ATE1: variants seen among roughly 807,000 people sequenced by gnomAD.
ATE1 encodes arginyltransferase 1.
In ATE1, 36 loss-of-function variants were observed where a neutral mutation model predicts 70.5. That is an observed-to-expected ratio of 0.51 (90% CI 0.39 to 0.67). The LOEUF is 0.67. Ranked by LOEUF, ATE1 falls within the 30% of genes least tolerant of loss-of-function variation. The pLI is 0.00. For missense variants in ATE1, 593 were observed against 629.5 expected (o/e 0.94, Z 0.62); for synonymous variants, 232 against 219.3 (o/e 1.06, Z -0.51).
At chr10:121,837,648 T>G (rs902121131) in intron 9 of ATE1, among the ~76,000 whole-genome samples, 1 of 152,234 alleles carries the variant, frequency 6.6e-6, no homozygotes, top group African/African-American at 2.4e-5. Context: ...GTATTTGTAA[T>G]GCAATATTCT....
At position 121,748,662 on chromosome 10, in the gene ATE1, T is replaced by C. The variant is rs550934230; in HGVS notation, c.1379-4804A>G. ...TTCAATAGTTTTTTTGTTTTTTTTT[T>C]TAACCCAAAACACTTTTGAGGCCTA... is the stretch of plus-strand genomic sequence containing the variant. On this transcript the variant is annotated intron_variant, in intron 11 of 11. Transcript: ENST00000224652. 2.4e-4 allele frequency among the ~76,000 whole-genome samples: 37 copies of C among 152,206 alleles called. No homozygotes were observed. In the South Asian group the frequency reaches 6.6e-3, roughly 27 times the overall value.
At chr10:121,862,341 T>C (rs187756981) in intron 8 of ATE1, among the ~76,000 whole-genome samples, 62 of 152,130 alleles carry the variant, frequency 4.1e-4, no homozygotes, top group Non-Finnish European at 7.2e-4. Context: ...CAAGCAATGA[T>C]ACTTCTTACG....
intron 7 of ATE1, among the ~76,000 whole-genome samples, chr10:121,879,155 T>TCAA: frequency 6.8e-6 from 1 of 146,714 alleles, no homozygotes; most frequent in South Asian, 2.2e-4. Context: ...ACAGAAATCA[T>TCAA]CAAGACAGAT....
chr10:121,899,067 C>A, intron 7 of ATE1: 1 of 1,395,824 alleles, frequency 7.2e-7, no homozygotes, highest in Non-Finnish European at 9.6e-7. Flanking sequence ...AAATCCACGC[C>A]AAAGCTCGAA....
chr10:121,786,363 G>A (rs115392802), intron 11 of ATE1, among the ~76,000 whole-genome samples: 2,707 of 151,854 alleles, frequency 0.018, 66 homozygotes, highest in African/African-American at 0.062. Flanking sequence ...AAATAATAAC[G>A]CTTTTCTGTA....
intron 10 of ATE1, among the ~76,000 whole-genome samples, chr10:121,817,538 C>CAAAA (rs10625101): frequency 1.4e-5 from 2 of 143,240 alleles, no homozygotes; most frequent in Non-Finnish European, 1.5e-5. Flanking sequence ...GACTCTGTCT[C>CAAAA]AAAAAAAAAA....
chr10:121,825,623 C>T (rs1455357702), intron 10 of ATE1, among the ~76,000 whole-genome samples: 1 of 152,166 alleles, frequency 6.6e-6, no homozygotes, highest in Non-Finnish European at 1.5e-5. Context: ...CACAAACCAC[C>T]TCACACCCAT....
Position 121,743,663 on chromosome 10 carries a change from C to T in ATE1, c.*17G>A, listed in dbSNP as rs752218324. The T allele has an allele frequency of 1.4e-5, 23 of 1,586,656 alleles. No homozygotes were observed. The highest frequency in any genetic ancestry group is 1.9e-5 in the Non-Finnish European group (22 of 1,167,242). On this transcript the variant is annotated 3_prime_UTR_variant, in exon 12 of 12. Transcript: ENST00000224652. ...TCATCAGCACAACACAGGAACTTCCCGGCAGAGGTGAACAGGTCAGTTTCT... is the reference window on the plus strand; with the variant it reads ...TCATCAGCACAACACAGGAACTTCCTGGCAGAGGTGAACAGGTCAGTTTCT...
intron 10 of ATE1, among the ~76,000 whole-genome samples, chr10:121,823,299 C>A (rs966082467): frequency 7.9e-5 from 12 of 151,488 alleles, no homozygotes; most frequent in Admixed American, 7.2e-4. Context: ...CAAAAAAAAA[C>A]AAAAACAAAA....
At chr10:121,871,384 G>A (rs1370425945) in intron 7 of ATE1, among the ~76,000 whole-genome samples, 4 of 152,232 alleles carry the variant, frequency 2.6e-5, no homozygotes, top group South Asian at 2.1e-4. Context: ...GCTGGAACCT[G>A]GTAGGTGGAG....
At chr10:121,812,779 A>C (rs546665494) in intron 10 of ATE1, among the ~76,000 whole-genome samples, 27 of 152,202 alleles carry the variant, frequency 1.8e-4, no homozygotes, top group Non-Finnish European at 3.5e-4. Flanking sequence ...GCAAGCAGCA[A>C]GTCCCTAGAA....
rs200140033 is a variant in ATE1 at position 121,836,744 on chromosome 10, G to T, written c.1231C>A (p.His411Asn). Reference protein sequence around the residue: ...LSYYYMGFYIHSCPKMKYKGQ... With the variant: ...LSYYYMGFYINSCPKMKYKGQ... ...TTATATTTCATCTTGGGACATGAATGAATGTAGAAACCCATATAATAATAG... is the reference window on the plus strand; with the variant it reads ...TTATATTTCATCTTGGGACATGAATTAATGTAGAAACCCATATAATAATAG... Residue 411 changes from histidine to asparagine, a missense_variant, in exon 10 of 12, where the codon CAT becomes AAT. Coordinates refer to ENST00000224652, the MANE Select transcript of ATE1 (RefSeq NM_001001976.3). 63 of 1,586,396 alleles carry T rather than the reference G, an allele frequency of 4.0e-5. No homozygotes were observed. Among genetic ancestry groups the T allele is most frequent in the Admixed American group, 2.7e-4 (15 of 56,302 alleles).
intron 11 of ATE1, among the ~76,000 whole-genome samples, chr10:121,756,422 C>T (rs1944803916): frequency 6.6e-6 from 1 of 152,194 alleles, no homozygotes; most frequent in African/African-American, 2.4e-5. Flanking sequence ...ACCCTCTCTT[C>T]TCACAGCCCC....
At chr10:121,902,985 C>T (rs908018066) in intron 5 of ATE1, among the ~76,000 whole-genome samples, 5 of 147,452 alleles carry the variant, frequency 3.4e-5, no homozygotes, top group African/African-American at 1.2e-4. Flanking sequence ...CCTGCCTCAA[C>T]CTCCCGAGTA....
At chr10:121,855,681 C>T (rs1245733452) in intron 8 of ATE1, among the ~76,000 whole-genome samples, 1 of 152,132 alleles carries the variant, frequency 6.6e-6, no homozygotes, top group African/African-American at 2.4e-5. Flanking sequence ...AATTGATTTA[C>T]AGAGATAAGA....
Position 121,762,708 on chromosome 10 carries a change from C to T in ATE1, c.1379-18850G>A, listed in dbSNP as rs569155990. Among the ~76,000 whole-genome samples, 29 of 152,260 alleles carry T rather than the reference C, an allele frequency of 1.9e-4. No individual in the cohort carries two copies. The East Asian group carries it at 3.1e-3, about 16-fold the overall frequency. On this transcript the variant is annotated intron_variant, in intron 11 of 11. Coordinates refer to ENST00000224652, the MANE Select transcript of ATE1 (RefSeq NM_001001976.3). ...TGGTTCCACTTTGTGCCCTGAGCTACGGGGATAGGCTCCGGTCCCTTGATA... is the reference window on the plus strand; with the variant it reads ...TGGTTCCACTTTGTGCCCTGAGCTATGGGGATAGGCTCCGGTCCCTTGATA...
chr10:121,879,740 A>T (rs10887006), intron 7 of ATE1, among the ~76,000 whole-genome samples: 46,193 of 152,108 alleles, frequency 0.3, 7,372 homozygotes, highest in South Asian at 0.43. Context: ...TTCCATAAAC[A>T]GAGAGAAGCA....
At chr10:121,827,018 ATTTTTT>A (rs34739140) in intron 10 of ATE1, among the ~76,000 whole-genome samples, 1 of 146,040 alleles carries the variant, frequency 6.8e-6, no homozygotes, top group Non-Finnish European at 1.5e-5. Flanking sequence ...ATGGGCAATA[ATTTTTT>A]TTTTTTTTGA....
intron 7 of ATE1, among the ~76,000 whole-genome samples, chr10:121,892,600 A>G (rs1950618872): frequency 1.4e-5 from 2 of 147,914 alleles, no homozygotes; most frequent in Non-Finnish European, 3.0e-5. Context: ...TCTGCCTTCC[A>G]GGTTGGAGTA....
Sources: allele counts gnomAD v4.1 joint callset (sites outside exome capture counted in the v4.1 genomes callset), GRCh38; gene constraint gnomAD v4.1.1; transcripts MANE v1.5; gene names NCBI Gene and HGNC (gene_info 2026-07-23, HGNC 2026-07-21).